Variants in PSPC1 observed in about 807,000 individuals in gnomAD.
PSPC1 encodes the protein paraspeckle protein 1.
Under a neutral mutation model 51.6 loss-of-function variants are expected in PSPC1, and 14 were observed. The observed-to-expected ratio is 0.27, with a 90% CI of 0.18 to 0.42. PSPC1 has a LOEUF of 0.42. Among genes scored for constraint, PSPC1 ranks in the 10% least tolerant of loss-of-function variants. The pLI is 1.00. For missense variants in PSPC1, 406 were observed against 701.1 expected, an observed-to-expected ratio of 0.58 and a Z score of 4.75; for synonymous variants, 193 against 231.9, an observed-to-expected ratio of 0.83 and a Z score of 1.53.
intron 5 of PSPC1, among the ~76,000 whole-genome samples, chr13:19,733,852 C>T (rs1402102275): frequency 6.6e-6 from 1 of 151,390 alleles, no homozygotes; most frequent in African/African-American, 2.4e-5. Context: ...ACTAGGGAGG[C>T]TAAGGTGGGA....
At chr13:19,759,875 A>AT (rs1274667546) in intron 2 of PSPC1, among the ~76,000 whole-genome samples, 1 of 151,678 alleles carries the variant, frequency 6.6e-6, no homozygotes, top group Non-Finnish European at 1.5e-5. Context: ...AAAAAAAAAA[A>AT]ATCAGTCAAT....
At chr13:19,683,503 C>T (rs940780578) in intron 6 of PSPC1, among the ~76,000 whole-genome samples, 8 of 152,150 alleles carry the variant, frequency 5.3e-5, no homozygotes, top group African/African-American at 1.2e-4. Context: ...CGTCCTCTGA[C>T]GCAGGATGGA....
intron 5 of PSPC1, among the ~76,000 whole-genome samples, chr13:19,732,945 A>C (rs1412969982): frequency 2.0e-5 from 3 of 152,044 alleles, no homozygotes; most frequent in African/African-American, 7.2e-5. Flanking sequence ...AAGAAAAAGA[A>C]AAAGAAAAAA....
intron 3 of PSPC1, among the ~76,000 whole-genome samples, chr13:19,755,870 A>G (rs1272700780): frequency 1.3e-5 from 2 of 152,108 alleles, no homozygotes; most frequent in Non-Finnish European, 2.9e-5. Flanking sequence ...TATAAATCCA[A>G]CTACCTGCTT....
rs113110897 is a variant in PSPC1, at chr13:19,724,723, GGC to G, written c.1158+5514_1158+5515del. 9.4e-3 allele frequency among the ~76,000 whole-genome samples: 1,426 copies of G among 152,268 alleles called. 27 individuals are homozygous for G. Among genetic ancestry groups the G allele is most frequent in the African/African-American group, 0.032 (1,324 of 41,568 alleles). On this transcript the variant is annotated intron_variant, in intron 6 of 8. Transcript: ENST00000338910. ...CAAAAACTTTGCCGAGCGTGGGCCGGGCGTGGTGGCTCATACATGTAATCCCA... is the reference window on the plus strand; with the variant it reads ...CAAAAACTTTGCCGAGCGTGGGCCGGGTGGTGGCTCATACATGTAATCCCA...
chr13:19,672,135 A>G (rs906875744), downstream of PSPC1: 4 of 421,668 alleles, frequency 9.5e-6, no homozygotes, highest in African/African-American at 8.0e-5. Flanking sequence ...ATTTAAGAAA[A>G]TTAAAGACTT....
At chr13:19,672,795 G>T (rs1876210003), downstream of PSPC1, 1 of 253,128 alleles carries the variant, frequency 4.0e-6, no homozygotes, top group Non-Finnish European at 7.9e-6. Context: ...AGACCTAAAA[G>T]AGAGTATTAA....
chr13:19,748,039 C>T (rs1229926020), intron 4 of PSPC1, among the ~76,000 whole-genome samples: 2 of 152,084 alleles, frequency 1.3e-5, no homozygotes, highest in Non-Finnish European at 2.9e-5. Flanking sequence ...CATGATGAAA[C>T]CCCATCTCTA....
chr13:19,702,925 T>C lies in PSPC1; in HGVS notation c.*250A>G, dbSNP rs1880107157. The C allele has an allele frequency of 2.9e-6, 1 of 344,922 alleles. No homozygotes were observed. The allele number at this position is 344,922 out of a possible 1,614,324, so 21.4% of individuals were successfully genotyped here. A position where few individuals can be genotyped will look rare whatever the true frequency, so the allele number is the denominator to read the frequency against. On this transcript the variant is annotated 3_prime_UTR_variant, in exon 9 of 9. Transcript: ENST00000338910. ...ATTAACTACATAGATTTCACAGTAC[T>C]ATGGAATACTTATATTTAGCTAAAG...
At chr13:19,759,451 A>G (rs1887408196) in intron 2 of PSPC1, 33 bp from the exon 3 acceptor site, 1 of 1,437,550 alleles carries the variant, frequency 7.0e-7, no homozygotes, top group African/African-American at 1.4e-5. Flanking sequence ...ATAAAAATTA[A>G]CACAGTGCCA....
intron 1 of PSPC1, among the ~76,000 whole-genome samples, chr13:19,773,538 T>C (rs946831919): frequency 6.6e-6 from 1 of 152,114 alleles, no homozygotes; most frequent in South Asian, 2.1e-4. Flanking sequence ...GCACCCGGCC[T>C]GTTTTTTATA....
chr13:19,704,231 C>T (rs1378623090), intron 8 of PSPC1, among the ~76,000 whole-genome samples: 1 of 152,286 alleles, frequency 6.6e-6, no homozygotes, highest in Non-Finnish European at 1.5e-5. Flanking sequence ...AAACATATCA[C>T]TATAAAATAA....
intron 6 of PSPC1, among the ~76,000 whole-genome samples, chr13:19,695,805 G>A (rs1225780525): frequency 6.6e-6 from 1 of 151,794 alleles, no homozygotes; most frequent in Non-Finnish European, 1.5e-5. Context: ...GGTGTCACAG[G>A]AGTTAAAAAT....
At chr13:19,739,862 TAAAAAAAAAAA>T (rs1005642453) in intron 5 of PSPC1, among the ~76,000 whole-genome samples, 2 of 129,368 alleles carry the variant, frequency 1.5e-5, no homozygotes, top group African/African-American at 2.8e-5. Flanking sequence ...GAGAGTTGTT[TAAAAAAAAAAA>T]AAAAAAAACA....
intron 5 of PSPC1, among the ~76,000 whole-genome samples, chr13:19,736,578 G>T (rs1884844868): frequency 6.6e-6 from 1 of 152,118 alleles, no homozygotes; most frequent in African/African-American, 2.4e-5. Context: ...AGCTACTCCG[G>T]AGGCTGAGGC....
At chr13:19,769,813 A>G (rs1888451112) in intron 2 of PSPC1, among the ~76,000 whole-genome samples, 1 of 152,232 alleles carries the variant, frequency 6.6e-6, no homozygotes, top group African/African-American at 2.4e-5. Flanking sequence ...AATGTGGAGT[A>G]ACTAGAAGTC....
At chr13:19,778,409 C>A (rs1889446638) in intron 1 of PSPC1, among the ~76,000 whole-genome samples, 1 of 108,896 alleles carries the variant, frequency 9.2e-6, no homozygotes, top group Non-Finnish European at 1.8e-5. Flanking sequence ...CTCCCTCTCC[C>A]CACGGTCTCC....
rs552208162 is a variant in PSPC1 at position 19,781,769 on chromosome 13, C to G, written c.372+617G>C. 7.2e-5 allele frequency among the ~76,000 whole-genome samples: 11 copies of G among 152,186 alleles called. No individual in the cohort carries two copies. In the South Asian group the frequency reaches 2.3e-3, roughly 32 times the overall value. ...CAGCCTGGGCAACATAGCGAGACCC[C>G]ATTTCTATTAAAATAAATAAATTTA... On this transcript the variant is annotated intron_variant, in intron 1 of 8. Transcript: ENST00000338910.
chr13:19,676,600 G>A (rs1277586666), intron 7 of PSPC1, among the ~76,000 whole-genome samples: 1 of 152,142 alleles, frequency 6.6e-6, no homozygotes, highest in African/African-American at 2.4e-5. Context: ...CAGTTAAAAC[G>A]GACTTTTTGA....
Sources: gnomAD v4.1 joint callset for allele counts (sites outside exome capture counted in the v4.1 genomes callset) on GRCh38, gnomAD v4.1.1 for gene constraint, MANE v1.5 for transcripts, NCBI Gene and HGNC (gene_info 2026-07-23, HGNC 2026-07-21) for gene names.